ABHD18: variants seen among roughly 807,000 people sequenced by gnomAD.
ABHD18 encodes cardiolipin-specific deacylase, mitochondrial.
A neutral mutation model predicts 65.9 loss-of-function variants in ABHD18; 55 were observed. The observed-to-expected ratio is 0.84, with a 90% CI of 0.67 to 1.05. The LOEUF is 1.05. Among genes scored for constraint, ABHD18 ranks in the 50% least tolerant of loss-of-function variants. ABHD18 has a pLI of 0.00. For missense variants in ABHD18, 533 were observed against 558.5 expected, an observed-to-expected ratio of 0.95 and a Z score of 0.46; for synonymous variants, 181 against 180.2, an observed-to-expected ratio of 1.00 and a Z score of -0.04.
chr4:128,002,575 C>G (rs570960512), intron 4 of ABHD18, among the ~76,000 whole-genome samples: 1 of 150,678 alleles, frequency 6.6e-6, no homozygotes, highest in Non-Finnish European at 1.5e-5. Context: ...GCACCACACC[C>G]TACCAAGACT....
intron 1 of ABHD18, among the ~76,000 whole-genome samples, chr4:127,976,396 C>T (rs1747933265): frequency 6.6e-6 from 1 of 152,030 alleles, no homozygotes; most frequent in Admixed American, 6.6e-5. Flanking sequence ...TTATACATTA[C>T]AAAAAATTAT....
chr4:128,029,000 T>C, intron 11 of ABHD18, 147 bp downstream of exon 11: 1 of 630,356 alleles, frequency 1.6e-6, no homozygotes, highest in South Asian at 2.7e-5. Flanking sequence ...GATAAGTTGG[T>C]TACTTAAATG....
At chr4:128,012,039 G>A (rs1754672634) in intron 7 of ABHD18, among the ~76,000 whole-genome samples, 1 of 150,736 alleles carries the variant, frequency 6.6e-6, no homozygotes, top group Non-Finnish European at 1.5e-5. Flanking sequence ...GTGCACTGGT[G>A]CGATCTCAGC....
rs576023530 is a variant in ABHD18, at chr4:127,988,433, T to C, written c.178-1288T>C. Among the ~76,000 whole-genome samples the C allele has an allele frequency of 3.3e-5, 5 of 152,302 alleles. No homozygotes were observed. In the East Asian group the frequency reaches 9.6e-4, roughly 29 times the overall value. Reference sequence around the variant, plus strand: ...TTTTGTAGAGACAGAGTTTTTGCCATGTTGCTCAGGCTGATCTTGAATTCC... The same window carrying C: ...TTTTGTAGAGACAGAGTTTTTGCCACGTTGCTCAGGCTGATCTTGAATTCC... On this transcript the variant is annotated intron_variant, in intron 3 of 12. Transcript: ENST00000645843.
chr4:127,969,238 G>A (rs1294790317), intron 1 of ABHD18, among the ~76,000 whole-genome samples: 2 of 142,586 alleles, frequency 1.4e-5, no homozygotes, highest in Non-Finnish European at 3.0e-5. Flanking sequence ...TTTTGCTCTC[G>A]TTGCCCAGGC....
intron 4 of ABHD18, among the ~76,000 whole-genome samples, chr4:127,997,395 A>G (rs990706190): frequency 6.6e-6 from 1 of 152,176 alleles, no homozygotes; most frequent in Admixed American, 6.5e-5. Context: ...AAGACTAGGC[A>G]GTCAAAAGGA....
At chr4:127,988,287 G>A (rs1465603662) in intron 3 of ABHD18, among the ~76,000 whole-genome samples, 2 of 152,182 alleles carry the variant, frequency 1.3e-5, no homozygotes, top group African/African-American at 4.8e-5. Context: ...CTGCACTGCA[G>A]TGGTGTAATC....
intron 1 of ABHD18, among the ~76,000 whole-genome samples, chr4:127,977,120 G>A (rs552539554): frequency 6.6e-6 from 1 of 152,038 alleles, no homozygotes; most frequent in East Asian, 1.9e-4. Context: ...CTCCCAATTA[G>A]GTATATTATT....
At chr4:128,011,783 ATTTCT>A in intron 7 of ABHD18, 83 bp downstream of exon 7, 2 of 798,408 alleles carry the variant, frequency 2.5e-6, no homozygotes, top group Non-Finnish European at 3.6e-6. Context: ...TCAGTTAACC[ATTTCT>A]AAATTGAATA....
At chr4:128,032,978 G>A (rs1000837491) in intron 12 of ABHD18, among the ~76,000 whole-genome samples, 2 of 152,154 alleles carry the variant, frequency 1.3e-5, no homozygotes, top group Non-Finnish European at 2.9e-5. Context: ...GGTGGGCCGG[G>A]CGTGGTGGCT....
intron 3 of ABHD18, among the ~76,000 whole-genome samples, chr4:127,988,355 C>G (rs1416694306): frequency 2.6e-5 from 4 of 152,236 alleles, no homozygotes; most frequent in Non-Finnish European, 5.9e-5. Context: ...CTCAGCCTCC[C>G]ACGTAGCTGG....
At chr4:127,966,702 C>CAAAAAAAAAAAAAAAAAAAAAAAAAAA (rs70966065) in intron 1 of ABHD18, among the ~76,000 whole-genome samples, 1 of 21,518 alleles carries the variant, frequency 4.6e-5, no homozygotes, top group Non-Finnish European at 8.1e-5. Context: ...ACTAAAAATA[C>CAAAAAAAAAAAAAAAAAAAAAAAAAAA]AAAAAAAAAA....
rs964714506 is a variant in ABHD18 at position 127,987,100 on chromosome 4, A to G, written c.178-2621A>G. Among the ~76,000 whole-genome samples, 6 of 152,230 alleles carry G rather than the reference A, an allele frequency of 3.9e-5. No individual in the cohort carries two copies. In the East Asian group the frequency reaches 1.2e-3, roughly 29 times the overall value. On this transcript the variant is annotated intron_variant, in intron 3 of 12. Coordinates refer to ENST00000645843, the MANE Select transcript of ABHD18 (RefSeq NM_001358451.3). ...GGGTGCCGTGCCTCACACCTGTAAT[A>G]TCAGCACTTTGGGAGGCCGAGGCAG... is the stretch of plus-strand genomic sequence containing the variant.
At chr4:127,994,535 C>T (rs952200161) in intron 4 of ABHD18, among the ~76,000 whole-genome samples, 1 of 152,044 alleles carries the variant, frequency 6.6e-6, no homozygotes, top group African/African-American at 2.4e-5. Context: ...TGCAGTGAGC[C>T]GAGATCGTGC....
chr4:128,039,111 C>T lies in ABHD18; in HGVS notation c.*3298C>T, dbSNP rs970923942. On this transcript the variant is annotated 3_prime_UTR_variant, in exon 13 of 13. Transcript: ENST00000645843. The stretch of plus-strand genomic sequence containing the variant: ...GTATGTGTGTATATATATGTATGTA[C>T]GTATATATATGTATTATATATACAC... 6.1e-5 allele frequency: 7 copies of T among 114,060 alleles called. No individual in the cohort carries two copies. The highest frequency in any genetic ancestry group is 1.8e-4 in the Admixed American group (2 of 11,244). The allele number at this position is 114,060 out of a possible 1,614,324, so 7.1% of individuals were successfully genotyped here.
chr4:127,988,167 G>A (rs1750310955), intron 3 of ABHD18, among the ~76,000 whole-genome samples: 4 of 152,028 alleles, frequency 2.6e-5, no homozygotes, highest in African/African-American at 9.7e-5. Context: ...AAAATATGTG[G>A]GTTATTTAAT....
intron 1 of ABHD18, among the ~76,000 whole-genome samples, chr4:127,974,206 T>G (rs886578809): frequency 6.2e-5 from 9 of 146,008 alleles, no homozygotes; most frequent in South Asian, 2.2e-4. Context: ...TTTTTTTTTT[T>G]TTTTTTTTTG....
At position 128,035,748 on chromosome 4, in the gene ABHD18, A is replaced by G. The variant is rs750411754; in HGVS notation, c.1344-14A>G. Reference sequence around the variant, plus strand: ...GTTAGTTACTTAGAGTTTTTCTTTCATATTTAATTTTAGACAAGCCATCTA... The same window carrying G: ...GTTAGTTACTTAGAGTTTTTCTTTCGTATTTAATTTTAGACAAGCCATCTA... On this transcript the variant is annotated splice_polypyrimidine_tract_variant and intron_variant, in intron 12 of 12. Coordinates refer to ENST00000645843, the MANE Select transcript of ABHD18 (RefSeq NM_001358451.3). The G allele has an allele frequency of 6.7e-7, 1 of 1,486,318 alleles. No homozygotes were observed. The highest frequency in any genetic ancestry group is 1.3e-5 in the South Asian group (1 of 79,730). The allele number at this position is 1,486,318 out of a possible 1,614,324, so 92.1% of individuals were successfully genotyped here. A position where few individuals can be genotyped will look rare whatever the true frequency, so the allele number is the denominator to read the frequency against.
intron 10 of ABHD18, among the ~76,000 whole-genome samples, chr4:128,023,076 T>C (rs566268842): frequency 8.5e-5 from 13 of 152,172 alleles, no homozygotes; most frequent in African/African-American, 2.9e-4. Flanking sequence ...GCAATCCTTT[T>C]CATGAATTTA....
Sources: gnomAD v4.1 joint callset for allele counts (sites outside exome capture counted in the v4.1 genomes callset) on GRCh38, gnomAD v4.1.1 for gene constraint, MANE v1.5 for transcripts, NCBI Gene and HGNC (gene_info 2026-07-23, HGNC 2026-07-21) for gene names.